The following PREX2 variants were observed in gnomAD, a reference collection of about 807,000 sequenced individuals.
PREX2 encodes phosphatidylinositol 3,4,5-trisphosphate-dependent Rac exchanger 2 protein.
A neutral mutation model predicts 203.2 loss-of-function variants in PREX2; 107 were observed. That is an observed-to-expected ratio of 0.53 (90% CI 0.45 to 0.62). The LOEUF is 0.62. PREX2 is among the 20% of genes least tolerant of loss of function. The probability of loss-of-function intolerance (pLI) is 0.00; values close to 1 mark genes in which losing one functional copy is unlikely to be tolerated. For synonymous variants in PREX2, 672 were observed against 663.6 expected (o/e 1.01, Z -0.19); for missense variants, 1,777 against 1,955.9 (o/e 0.91, Z 1.72).
chr8:68,157,279 A>C lies in PREX2; in HGVS notation c.4232-43A>C, dbSNP rs369333460. The C allele has an allele frequency of 5.8e-6, 6 of 1,029,858 alleles. No homozygotes were observed. The East Asian group carries it at 1.5e-4, about 26-fold the overall frequency. 63.8% of individuals were successfully genotyped at this position (1,029,858 alleles called of 1,614,324 possible). A position where few individuals can be genotyped will look rare whatever the true frequency, so the allele number is the denominator to read the frequency against. ...AATTATACTACACGTGGAGAAATTG[A>C]GTTATAAAGTTGCTTGTAAAATATG... On this transcript the variant is annotated intron_variant, in intron 34 of 39. Coordinates refer to ENST00000288368, the MANE Select transcript of PREX2 (RefSeq NM_024870.4).
At chr8:68,192,592 C>T (rs1027481130) in intron 37 of PREX2, 67 bp downstream of exon 37, 6 of 1,303,126 alleles carry the variant, frequency 4.6e-6, no homozygotes, top group Admixed American at 2.6e-5. Flanking sequence ...TTTTTGTTTA[C>T]ATTTTGGCTT....
At chr8:68,166,642 A>T (rs929501251) in intron 35 of PREX2, among the ~76,000 whole-genome samples, 1 of 152,190 alleles carries the variant, frequency 6.6e-6, no homozygotes, top group Non-Finnish European at 1.5e-5. Context: ...TTGTCATCAC[A>T]AGAGAAATTT....
intron 21 of PREX2, among the ~76,000 whole-genome samples, chr8:68,096,580 AT>A (rs1216809265): frequency 6.6e-6 from 1 of 152,158 alleles, no homozygotes; most frequent in East Asian, 1.9e-4. Context: ...AAATAAAATG[AT>A]TCTTGCATCT....
At chr8:68,119,106 A>G (rs1810715479) in intron 27 of PREX2, among the ~76,000 whole-genome samples, 1 of 152,206 alleles carries the variant, frequency 6.6e-6, no homozygotes, top group Non-Finnish European at 1.5e-5. Flanking sequence ...TGTGTGTGTT[A>G]AGAACAAAGA....
intron 9 of PREX2, among the ~76,000 whole-genome samples, chr8:68,054,348 C>T (rs1946668): frequency 0.59 from 88,069 of 150,054 alleles, 27,817 homozygotes; most frequent in African/African-American, 0.83. Flanking sequence ...GAACCTTTTT[C>T]TTAAGCACCC....
chr8:68,120,996 A>ATC lies in PREX2; in HGVS notation c.3673_3674dup (p.Pro1226PhefsTer19). ...CTTCATATCAAGCAAGATCCTTGGA[A>ATC]TCTTCCCAGCAGCGTCCGGACTCTT... is the stretch of plus-strand genomic sequence containing the variant. On this transcript the variant is annotated frameshift_variant, in exon 30 of 40. Transcript: ENST00000288368. LOFTEE classifies it high-confidence loss of function. 3.1e-6 allele frequency: 5 copies of ATC among 1,613,862 alleles called. No homozygotes were observed. Among genetic ancestry groups the ATC allele is most frequent in the Non-Finnish European group, 4.2e-6 (5 of 1,179,784 alleles).
intron 23 of PREX2, chr8:68,104,995 C>T (rs1810365346): frequency 9.3e-6 from 5 of 539,370 alleles, no homozygotes; most frequent in South Asian, 7.7e-5. Flanking sequence ...GGAGTTTCTC[C>T]AAAGCAGATT....
chr8:68,032,885 C>T (rs1807925864), intron 6 of PREX2, among the ~76,000 whole-genome samples: 1 of 152,102 alleles, frequency 6.6e-6, no homozygotes, highest in South Asian at 2.1e-4. Flanking sequence ...TGGGCTTATG[C>T]TAGGAAACAG....
At chr8:68,068,881 C>G (rs1809100624) in intron 11 of PREX2, 152 bp from the exon 12 acceptor site, 1 of 411,180 alleles carries the variant, frequency 2.4e-6, no homozygotes, top group Admixed American at 4.5e-5. Flanking sequence ...TGTTAAAATA[C>G]TCAATTGGTA....
intron 37 of PREX2, among the ~76,000 whole-genome samples, chr8:68,199,520 G>A (rs886296752): frequency 1.3e-5 from 2 of 152,060 alleles, no homozygotes; most frequent in Admixed American, 6.6e-5. Flanking sequence ...CTAGAACACA[G>A]GACCTAAAAT....
chr8:68,070,069 G>T (rs946124360), intron 13 of PREX2, among the ~76,000 whole-genome samples, 185 bp downstream of exon 13: 2 of 151,042 alleles, frequency 1.3e-5, no homozygotes, highest in Non-Finnish European at 3.0e-5. Context: ...TAATTATATA[G>T]TGTTTTCCAC....
chr8:68,015,747 T>C (rs576109929), intron 1 of PREX2, among the ~76,000 whole-genome samples: 1 of 152,256 alleles, frequency 6.6e-6, no homozygotes, highest in South Asian at 2.1e-4. Context: ...GATGAGTATG[T>C]GGAAAATATT....
chr8:67,997,270 C>A (rs1373783591), intron 1 of PREX2, among the ~76,000 whole-genome samples: 1 of 152,020 alleles, frequency 6.6e-6, no homozygotes, highest in Non-Finnish European at 1.5e-5. Context: ...AATAGTCCCC[C>A]CTTAACCATG....
intron 34 of PREX2, 22 bp from the exon 35 acceptor site, chr8:68,157,300 A>G (rs1811560753): frequency 7.5e-7 from 1 of 1,333,322 alleles, no homozygotes; most frequent in Non-Finnish European, 1.1e-6. Context: ...TGCTTGTAAA[A>G]TATGTTTACT....
At chr8:68,077,551 TGAGGTC>T in intron 15 of PREX2, 82 bp downstream of exon 15, 1 of 1,036,688 alleles carries the variant, frequency 9.6e-7, no homozygotes, top group Non-Finnish European at 1.5e-6. Context: ...AGTGCTGCAG[TGAGGTC>T]ATTTAGGGAT....
intron 35 of PREX2, among the ~76,000 whole-genome samples, chr8:68,181,153 A>G (rs571696951): frequency 2.1e-3 from 324 of 152,300 alleles, no homozygotes; most frequent in African/African-American, 7.6e-3. Flanking sequence ...GACAAAGTCC[A>G]TGTCCTCATG....
chr8:68,097,326 C>CT (rs5892134), intron 22 of PREX2, 125 bp downstream of exon 22: 220,934 of 563,874 alleles, frequency 0.39, 15,902 homozygotes, highest in African/African-American at 0.51. Context: ...ATTCAAACTT[C>CT]TTTTTTTTTT....
chr8:67,995,711 T>C (rs1040388158), intron 1 of PREX2, among the ~76,000 whole-genome samples: 1 of 152,282 alleles, frequency 6.6e-6, no homozygotes, highest in African/African-American at 2.4e-5. Flanking sequence ...GAGAACGTAA[T>C]TTGTTTATCC....
chr8:68,227,659 C>G (rs367893190), intron 39 of PREX2, among the ~76,000 whole-genome samples: 1 of 152,118 alleles, frequency 6.6e-6, no homozygotes, highest in East Asian at 1.9e-4. Context: ...GGGATGTCAG[C>G]ACTGAAGAGA....
Sources: allele counts gnomAD v4.1 joint callset (sites outside exome capture counted in the v4.1 genomes callset), GRCh38; gene constraint gnomAD v4.1.1; transcripts MANE v1.5; gene names NCBI Gene and HGNC (gene_info 2026-07-23, HGNC 2026-07-21).